The following RERE variants were observed in gnomAD, a reference collection of about 807,000 sequenced individuals.
RERE encodes the protein arginine-glutamic acid dipeptide repeats protein.
Under a neutral mutation model 146.1 loss-of-function variants are expected in RERE, and 40 were observed. The observed-to-expected ratio is 0.27, with a 90% confidence interval of 0.21 to 0.36. The LOEUF (loss-of-function observed/expected upper bound fraction) is 0.36, where lower values mean the gene tolerates loss of function less well. Among genes scored for constraint, RERE ranks in the 10% least tolerant of loss-of-function variants. RERE has a pLI of 1.00. For missense variants in RERE, 1,933 were observed against 2,138.7 expected (o/e 0.90, Z 1.90); for synonymous variants, 1,003 against 866.0 (o/e 1.16, Z -2.78).
At chr1:8,579,281 C>A (rs1293893705) in intron 4 of RERE, among the ~76,000 whole-genome samples, 2 of 152,156 alleles carry the variant, frequency 1.3e-5, no homozygotes, top group African/African-American at 4.8e-5. Flanking sequence ...AAAGCTTTTA[C>A]TGTCAAAAGA....
At chr1:8,610,004 A>G (rs1296124567) in intron 4 of RERE, among the ~76,000 whole-genome samples, 3 of 152,092 alleles carry the variant, frequency 2.0e-5, no homozygotes, top group Non-Finnish European at 2.9e-5. Flanking sequence ...CCTGAGCTCA[A>G]GTGACCGAAC....
intron 11 of RERE, among the ~76,000 whole-genome samples, chr1:8,432,348 C>T (rs1026982307): frequency 1.3e-5 from 2 of 152,080 alleles, no homozygotes. Flanking sequence ...AACACATCAA[C>T]TCAACTAACA....
chr1:8,415,807 C>G (rs548221654), intron 12 of RERE, among the ~76,000 whole-genome samples: 27 of 152,346 alleles, frequency 1.8e-4, no homozygotes, highest in Admixed American at 5.9e-4. Context: ...TTAATGGGAA[C>G]AAACTCTCAG....
Position 8,656,906 on chromosome 1 carries a change from G to A in RERE, c.-144-465C>T, listed in dbSNP as rs149668857. Among the ~76,000 whole-genome samples the A allele has an allele frequency of 5.7e-3, 872 of 152,238 alleles. 1 individual carries two copies. The highest frequency in any genetic ancestry group is 0.01 in the Non-Finnish European group (691 of 68,016). On this transcript the variant is annotated intron_variant, in intron 1 of 22. Coordinates refer to ENST00000400908, the MANE Select transcript of RERE (RefSeq NM_001042681.2). The stretch of plus-strand genomic sequence containing the variant: ...AGCCAGAAGGACCACTTGAAGCCAG[G>A]AGTTCAAGACCAACCCTGGCAACAA...
intron 12 of RERE, among the ~76,000 whole-genome samples, chr1:8,374,756 T>C (rs1453422616): frequency 6.6e-6 from 1 of 152,186 alleles, no homozygotes; most frequent in African/African-American, 2.4e-5. Context: ...TTTTCTACCA[T>C]ATTCCTTTCT....
At chr1:8,784,248 T>G (rs552701634) in intron 1 of RERE, among the ~76,000 whole-genome samples, 1 of 152,310 alleles carries the variant, frequency 6.6e-6, no homozygotes, top group East Asian at 1.9e-4. Flanking sequence ...AGCCTTTTGC[T>G]CAAACATCAT....
At chr1:8,517,010 G>A (rs1645428753) in intron 7 of RERE, among the ~76,000 whole-genome samples, 1 of 152,148 alleles carries the variant, frequency 6.6e-6, no homozygotes, top group Non-Finnish European at 1.5e-5. Flanking sequence ...GGATAGCTCT[G>A]TCTCTTCATT....
At chr1:8,372,300 A>G (rs1382429244) in intron 12 of RERE, among the ~76,000 whole-genome samples, 1 of 152,130 alleles carries the variant, frequency 6.6e-6, no homozygotes. Context: ...GGTTAAATCA[A>G]TGGTTTCTGC....
At chr1:8,655,410 T>C (rs1447494810) in intron 2 of RERE, among the ~76,000 whole-genome samples, 5 of 152,044 alleles carry the variant, frequency 3.3e-5, no homozygotes, top group Non-Finnish European at 7.4e-5. Context: ...TTTCATCATG[T>C]TGGTCAGGCT....
intron 3 of RERE, among the ~76,000 whole-genome samples, chr1:8,620,818 C>T (rs1646907592): frequency 6.6e-6 from 1 of 151,724 alleles, no homozygotes; most frequent in African/African-American, 2.4e-5. Context: ...CTACTTCTTC[C>T]ATAAATACTT....
At chr1:8,366,536 G>C (rs572743610) in intron 12 of RERE, among the ~76,000 whole-genome samples, 50 of 152,294 alleles carry the variant, frequency 3.3e-4, no homozygotes, top group African/African-American at 1.2e-3. Context: ...GGGAAGAACA[G>C]AGACCGCATG....
Position 8,730,249 on chromosome 1 carries a change from G to A in RERE, c.-144-73808C>T, listed in dbSNP as rs543164076. ...AGATACAAAAATACAGCTTGAAGAT[G>A]ATCTAGTCAAGAGACCCAGGTTCTA... On this transcript the variant is annotated intron_variant, in intron 1 of 22. Coordinates refer to ENST00000400908, the MANE Select transcript of RERE (RefSeq NM_001042681.2). Among the ~76,000 whole-genome samples the A allele has an allele frequency of 2.0e-5, 3 of 152,328 alleles. No individual in the cohort carries two copies. In the East Asian group the frequency reaches 5.8e-4, roughly 29 times the overall value.
At chr1:8,377,285 T>TTGTATTTCTAAACCTCTTGGAGG (rs1447622841) in intron 12 of RERE, among the ~76,000 whole-genome samples, 3 of 151,464 alleles carry the variant, frequency 2.0e-5, no homozygotes, top group Admixed American at 6.6e-5. Flanking sequence ...CCTTGGAGGC[T>TTGTATTTCTAAACCTCTTGGAGG]TGTATTTCTA....
In RERE at chr1:8,389,937, G is replaced by C. The variant is rs553535388; in HGVS notation, c.1285-23963C>G. ...CAAAGAGTATCTCCCCTAGGATCCT[G>C]TTCAATCTCTCTGTGGACCTGTCAA... On this transcript the variant is annotated intron_variant, in intron 12 of 22. Transcript: ENST00000400908. Among the ~76,000 whole-genome samples the C allele has an allele frequency of 1.3e-4, 20 of 152,262 alleles. No individual in the cohort carries two copies. The Middle Eastern group carries it at 0.024, about 181-fold the overall frequency.
chr1:8,735,936 T>C (rs1640187188), intron 1 of RERE, among the ~76,000 whole-genome samples: 1 of 152,182 alleles, frequency 6.6e-6, no homozygotes, highest in African/African-American at 2.4e-5. Flanking sequence ...TTTATAGCAA[T>C]GCAAGAACAG....
intron 4 of RERE, among the ~76,000 whole-genome samples, chr1:8,591,713 C>T (rs6660615): frequency 1.3e-3 from 191 of 152,312 alleles, no homozygotes; most frequent in African/African-American, 4.4e-3. Flanking sequence ...TAAGCCAACT[C>T]CAAATTCACT....
chr1:8,712,065 G>A (rs1302825717), intron 1 of RERE, among the ~76,000 whole-genome samples: 1 of 152,142 alleles, frequency 6.6e-6, no homozygotes, highest in Non-Finnish European at 1.5e-5. Context: ...CTGCCTAAAA[G>A]CCAATAACTG....
intron 8 of RERE, among the ~76,000 whole-genome samples, chr1:8,507,912 G>C (rs1286826930): frequency 6.7e-6 from 1 of 149,200 alleles, no homozygotes; most frequent in Non-Finnish European, 1.5e-5. Flanking sequence ...GCTAATTTTT[G>C]TATTTTTAGT....
In RERE at chr1:8,812,649, AAAT is replaced by A. The variant is rs537696052; in HGVS notation, c.-145+4508_-145+4510del. 5.6e-3 allele frequency among the ~76,000 whole-genome samples: 854 copies of A among 152,002 alleles called. 11 individuals are homozygous for A. Among genetic ancestry groups the A allele is most frequent in the African/African-American group, 0.02 (817 of 41,438 alleles). ...TGACAGAGCAAGACTCCATCTCGAA[AAAT>A]AATAATAATAATAATTTTACACTGG... is the stretch of plus-strand genomic sequence containing the variant. On this transcript the variant is annotated intron_variant, in intron 1 of 22. Coordinates refer to ENST00000400908, the MANE Select transcript of RERE (RefSeq NM_001042681.2).
Sources: allele counts gnomAD v4.1 joint callset (sites outside exome capture counted in the v4.1 genomes callset), GRCh38; gene constraint gnomAD v4.1.1; transcripts MANE v1.5; gene names NCBI Gene and HGNC (gene_info 2026-07-23, HGNC 2026-07-21).